NBAS: variants seen among roughly 807,000 people sequenced by gnomAD.
NBAS encodes NBAS subunit of NRZ tethering complex, also known as NAG/BC035112 fusion.
Under a neutral mutation model 302.5 loss-of-function variants are expected in NBAS, and 219 were observed. The ratio of observed to expected loss-of-function variants is 0.72; its 90% CI spans 0.65 to 0.81. The LOEUF (loss-of-function observed/expected upper bound fraction) is 0.81, where lower values mean the gene tolerates loss of function less well. Among genes scored for constraint, NBAS ranks in the 30% least tolerant of loss-of-function variants. The probability of loss-of-function intolerance (pLI) is 0.00; values close to 1 mark genes in which losing one functional copy is unlikely to be tolerated. For synonymous variants in NBAS, 1,118 were observed against 1,021.6 expected, an observed-to-expected ratio of 1.09 and a Z score of -1.80; for missense variants, 2,932 against 2,841.6, an observed-to-expected ratio of 1.03 and a Z score of -0.72.
intron 35 of NBAS, among the ~76,000 whole-genome samples, chr2:15,339,311 T>A (rs1460770717): frequency 6.6e-6 from 1 of 152,168 alleles, no homozygotes; most frequent in Non-Finnish European, 1.5e-5. Context: ...AATTAAGGTA[T>A]GACCCCTATT....
chr2:14,887,563 G>A, the NBAS span, among the ~76,000 whole-genome samples: 1 of 152,000 alleles, frequency 6.6e-6, no homozygotes, highest in Non-Finnish European at 1.5e-5. Flanking sequence ...ACCCACTGGG[G>A]GACTGAGAAC....
intron 48 of NBAS, among the ~76,000 whole-genome samples, chr2:15,203,889 C>CG (rs1558434438): frequency 1.7e-3 from 99 of 58,996 alleles, no homozygotes; most frequent in African/African-American, 8.1e-3. Flanking sequence ...TGTGTGTGTG[C>CG]TTGTGTGTGT....
At chr2:15,329,357 G>A (rs1442956697) in intron 36 of NBAS, among the ~76,000 whole-genome samples, 2 of 152,004 alleles carry the variant, frequency 1.3e-5, no homozygotes, top group African/African-American at 4.8e-5. Context: ...ACCACCAGAA[G>A]GTCTAAAAAA....
chr2:15,087,623 A>T, the NBAS span, among the ~76,000 whole-genome samples: 8 of 152,342 alleles, frequency 5.3e-5, no homozygotes, highest in South Asian at 1.7e-3. Context: ...ACAACCTTGA[A>T]AATGAGATCC....
intron 35 of NBAS, among the ~76,000 whole-genome samples, chr2:15,340,202 A>G (rs1044260590): frequency 1.6e-4 from 24 of 152,322 alleles, no homozygotes; most frequent in Non-Finnish European, 3.5e-4. Flanking sequence ...GGAGACAAAC[A>G]GGACACTACT....
intron 9 of NBAS, among the ~76,000 whole-genome samples, chr2:15,519,336 T>C (rs1027162504): frequency 4.6e-5 from 7 of 152,202 alleles, no homozygotes; most frequent in African/African-American, 1.2e-4. Flanking sequence ...CTTCTGTACC[T>C]TCCTTTTCTC....
chr2:15,167,290 AAAG>A lies in NBAS; in HGVS notation c.6871_6873del (p.Leu2291del). ...AGCAGCTTGGCATCCAGGAGCAGGG[AAAG>A]AAGTTCTTGGTCACAATTGGAATCA... On this transcript the variant is annotated inframe_deletion, in exon 52 of 52. Transcript: ENST00000281513. 2 of 1,614,206 alleles carry A rather than the reference AAAG, an allele frequency of 1.2e-6. No individual in the cohort carries two copies. Among genetic ancestry groups the A allele is most frequent in the African/African-American group, 2.7e-5 (2 of 75,060 alleles).
At chr2:15,065,902 G>A in the NBAS span, among the ~76,000 whole-genome samples, 1 of 152,008 alleles carries the variant, frequency 6.6e-6, no homozygotes, top group Non-Finnish European at 1.5e-5. Context: ...AAATTAATAT[G>A]GAACCACAAA....
At chr2:15,436,107 T>C (rs73917338) in intron 21 of NBAS, among the ~76,000 whole-genome samples, 1,560 of 152,284 alleles carry the variant, frequency 0.01, 36 homozygotes, top group African/African-American at 0.036. Flanking sequence ...GAACAGACCA[T>C]TGATACTCTC....
At chr2:15,015,116 G>T in the NBAS span, among the ~76,000 whole-genome samples, 1 of 148,292 alleles carries the variant, frequency 6.7e-6, no homozygotes, top group Non-Finnish European at 1.5e-5. Context: ...TCAATAACAG[G>T]CAACAAGATT....
intron 19 of NBAS, among the ~76,000 whole-genome samples, chr2:15,463,788 CAAAAAAA>C (rs55808465): frequency 1.1e-5 from 1 of 91,650 alleles, no homozygotes; most frequent in African/African-American, 4.3e-5. Flanking sequence ...GAACCAAATG[CAAAAAAA>C]AAAAAAAAAA....
rs776833252 is a variant in NBAS, at chr2:15,330,667, T to A, written c.4278A>T (p.Lys1426Asn). The change falls in exon 36 of 52, where the codon AAA becomes AAT. Residue 1426 changes from lysine to asparagine, a missense_variant. Physicochemically the swap from Lys to Asn is moderately conservative, Grantham distance 94 (BLOSUM62 0). Transcript: ENST00000281513. ...CATCACTGACGGCCTGCAGCACCGC[T>A]TTGGTGGTGGTTGTGGTGTTGGAAA... is the stretch of plus-strand genomic sequence containing the variant. ...KVLSNTTTTT[K>N]AVLQAVSDGQ... is the part of the protein sequence containing the mutation. The A allele has an allele frequency of 1.9e-6, 3 of 1,614,048 alleles. No individual in the cohort carries two copies. In the South Asian group the frequency reaches 3.3e-5, roughly 18 times the overall value.
At chr2:14,931,753 C>T in the NBAS span, among the ~76,000 whole-genome samples, 5 of 152,168 alleles carry the variant, frequency 3.3e-5, no homozygotes, top group Non-Finnish European at 7.4e-5. Flanking sequence ...AGGATTCCAC[C>T]TGATCCATGT....
At chr2:15,426,609 TTC>T (rs1041351533) in intron 22 of NBAS, among the ~76,000 whole-genome samples, 7 of 152,244 alleles carry the variant, frequency 4.6e-5, no homozygotes, top group African/African-American at 1.4e-4. Context: ...TTTCTCTTAA[TTC>T]TGTTTCTATT....
chr2:14,956,100 C>T, the NBAS span, among the ~76,000 whole-genome samples: 1 of 152,182 alleles, frequency 6.6e-6, no homozygotes, highest in East Asian at 1.9e-4. Context: ...TCTCTCAGTT[C>T]AAAGTTCCAC....
chr2:15,195,066 T>C (rs1369814291), intron 48 of NBAS, among the ~76,000 whole-genome samples: 1 of 152,124 alleles, frequency 6.6e-6, no homozygotes, highest in East Asian at 1.9e-4. Context: ...ACAATAAATA[T>C]GTGAAAACCA....
At chr2:15,427,933 T>C in intron 21 of NBAS, 139 bp from the exon 22 acceptor site, 1 of 689,592 alleles carries the variant, frequency 1.5e-6, no homozygotes, top group African/African-American at 1.8e-5. Flanking sequence ...TGGTACAGGA[T>C]ACATATTATA....
At chr2:14,859,723 A>G in the NBAS span, among the ~76,000 whole-genome samples, 4 of 152,174 alleles carry the variant, frequency 2.6e-5, no homozygotes, top group African/African-American at 4.8e-5. Flanking sequence ...ACATGAAACT[A>G]TGACACTACT....
chr2:15,471,753 A>C (rs1679964630), intron 16 of NBAS, among the ~76,000 whole-genome samples: 1 of 152,162 alleles, frequency 6.6e-6, no homozygotes, highest in African/African-American at 2.4e-5. Context: ...TGGTGTCCTC[A>C]TAAGAGGAGG....
Sources: gnomAD v4.1 joint callset for allele counts (sites outside exome capture counted in the v4.1 genomes callset) on GRCh38, gnomAD v4.1.1 for gene constraint, MANE v1.5 for transcripts, NCBI Gene and HGNC (gene_info 2026-07-23, HGNC 2026-07-21) for gene names.